Variants in CXCL13 observed in about 807,000 individuals in gnomAD.
The protein encoded by CXCL13 is C-X-C motif chemokine 13.
CXCL13 carries 7 observed loss-of-function variants against 12.2 expected under a neutral mutation model. The ratio of observed to expected loss-of-function variants is 0.57; its 90% CI spans 0.33 to 1.07. The LOEUF (loss-of-function observed/expected upper bound fraction) is 1.07, where lower values mean the gene tolerates loss of function less well. Ranked by LOEUF, CXCL13 falls within the 50% of genes least tolerant of loss-of-function variation. The pLI is 0.04. For missense variants in CXCL13, 113 were observed against 127.4 expected (o/e 0.89, Z 0.55); for synonymous variants, 47 against 42.4 (o/e 1.11, Z -0.42).
chr4:77,561,238 AG>A (rs1725803219), intron 1 of CXCL13, among the ~76,000 whole-genome samples: 1 of 152,228 alleles, frequency 6.6e-6, no homozygotes, highest in Non-Finnish European at 1.5e-5. Context: ...TGTTACCTGG[AG>A]GCCTGTTAGA....
intron 1 of CXCL13, among the ~76,000 whole-genome samples, chr4:77,522,727 T>G (rs1724642854): frequency 6.6e-6 from 1 of 151,904 alleles, no homozygotes; most frequent in Admixed American, 6.6e-5. Context: ...TTAATATTGT[T>G]ATGTGTGAAT....
chr4:77,585,034 C>T (rs1363212533), intron 1 of CXCL13, among the ~76,000 whole-genome samples: 2 of 152,142 alleles, frequency 1.3e-5, no homozygotes, highest in East Asian at 3.9e-4. Context: ...CTGAGCACAT[C>T]ATGTTGCCAT....
At chr4:77,519,527 T>C (rs1373861027) in intron 1 of CXCL13, among the ~76,000 whole-genome samples, 1 of 152,218 alleles carries the variant, frequency 6.6e-6, no homozygotes, top group Non-Finnish European at 1.5e-5. Context: ...TTTTGAGAAG[T>C]GTCTGTTCAT....
chr4:77,564,888 A>G (rs997144559), intron 1 of CXCL13, among the ~76,000 whole-genome samples: 3 of 152,110 alleles, frequency 2.0e-5, no homozygotes, highest in Non-Finnish European at 4.4e-5. Flanking sequence ...AAAGTTCCCC[A>G]TTTCTTCAGG....
chr4:77,607,925 C>A, intron 2 of CXCL13, 90 bp downstream of exon 2: 2 of 1,306,932 alleles, frequency 1.5e-6, no homozygotes, highest in Non-Finnish European at 2.1e-6. Flanking sequence ...TCAAGAATGT[C>A]GAAGAGATTT....
At chr4:77,545,182 A>T (rs1246932897) in intron 1 of CXCL13, among the ~76,000 whole-genome samples, 3 of 152,120 alleles carry the variant, frequency 2.0e-5, no homozygotes, top group African/African-American at 7.2e-5. Context: ...AGGTAGGGTG[A>T]TGCCTCCAGC....
At chr4:77,522,937 G>GTT (rs1301864112) in intron 1 of CXCL13, among the ~76,000 whole-genome samples, 2 of 152,098 alleles carry the variant, frequency 1.3e-5, no homozygotes, top group Non-Finnish European at 2.9e-5. Context: ...TTGCTTATCT[G>GTT]TAAAGGATTT....
At chr4:77,550,214 C>A (rs1197381629) in intron 1 of CXCL13, among the ~76,000 whole-genome samples, 1 of 152,184 alleles carries the variant, frequency 6.6e-6, no homozygotes, top group African/African-American at 2.4e-5. Flanking sequence ...GTTATTAGGG[C>A]AGGAGTGTCC....
At chr4:77,553,828 T>TA (rs1321309433) in intron 1 of CXCL13, among the ~76,000 whole-genome samples, 1 of 152,128 alleles carries the variant, frequency 6.6e-6, no homozygotes, top group Admixed American at 6.5e-5. Flanking sequence ...AATTTTTTTT[T>TA]AAAAAGCAAA....
intron 1 of CXCL13, among the ~76,000 whole-genome samples, chr4:77,521,173 AT>A (rs1048161241): frequency 6.6e-6 from 1 of 152,174 alleles, no homozygotes; most frequent in Admixed American, 6.5e-5. Flanking sequence ...TTGGACTAAA[AT>A]TCTCTTTTTT....
At chr4:77,575,115 G>A (rs183954847) in intron 1 of CXCL13, among the ~76,000 whole-genome samples, 9 of 151,948 alleles carry the variant, frequency 5.9e-5, no homozygotes, top group African/African-American at 1.5e-4. Context: ...TGTAAATTAA[G>A]CATTGAAATA....
At chr4:77,534,213 G>A (rs570098079) in intron 1 of CXCL13, among the ~76,000 whole-genome samples, 1 of 152,118 alleles carries the variant, frequency 6.6e-6, no homozygotes, top group African/African-American at 2.4e-5. Context: ...CAAAAGACAT[G>A]CAACTACCAT....
chr4:77,520,867 C>T (rs865980746), intron 1 of CXCL13, among the ~76,000 whole-genome samples: 1 of 152,212 alleles, frequency 6.6e-6, no homozygotes, highest in South Asian at 2.1e-4. Context: ...ATAAATAGCT[C>T]TTATTATTTT....
At chr4:77,512,039 T>C (rs1263772667) in intron 1 of CXCL13, among the ~76,000 whole-genome samples, 1 of 152,182 alleles carries the variant, frequency 6.6e-6, no homozygotes, top group African/African-American at 2.4e-5. Context: ...AGAGAGGCCT[T>C]GGTTGTATAG....
chr4:77,540,055 T>A (rs564586259), intron 1 of CXCL13, among the ~76,000 whole-genome samples: 1 of 152,206 alleles, frequency 6.6e-6, no homozygotes, highest in African/African-American at 2.4e-5. Flanking sequence ...CTTCATATAA[T>A]TATTTTTAGA....
chr4:77,592,241 A>C (rs551991968), intron 1 of CXCL13, among the ~76,000 whole-genome samples: 1 of 152,262 alleles, frequency 6.6e-6, no homozygotes, highest in Non-Finnish European at 1.5e-5. Context: ...TACACAATAG[A>C]GTACTATTCA....
At chr4:77,511,841 C>G (rs1379110975) in intron 1 of CXCL13, 1 of 152,136 alleles carries the variant, frequency 6.6e-6, no homozygotes, top group Non-Finnish European at 1.5e-5. Context: ...TGGGTAACTT[C>G]CAGAGTTAAT....
intron 1 of CXCL13, among the ~76,000 whole-genome samples, chr4:77,526,966 T>C (rs1309611254): frequency 6.6e-6 from 1 of 152,158 alleles, no homozygotes; most frequent in Non-Finnish European, 1.5e-5. Context: ...GGCTGGAACA[T>C]GGTAGGCAAT....
At chr4:77,584,565 GA>G (rs1352279547) in intron 1 of CXCL13, among the ~76,000 whole-genome samples, 1 of 152,186 alleles carries the variant, frequency 6.6e-6, no homozygotes, top group African/African-American at 2.4e-5. Flanking sequence ...GTTCTCCTTA[GA>G]AGAGACATTT....
Sources: gnomAD v4.1 joint callset for allele counts (sites outside exome capture counted in the v4.1 genomes callset) on GRCh38, gnomAD v4.1.1 for gene constraint, MANE v1.5 for transcripts, NCBI Gene and HGNC (gene_info 2026-07-23, HGNC 2026-07-21) for gene names.